Variants in NRXN2 observed in about 807,000 individuals in gnomAD.
NRXN2 encodes the protein neurexin 2.
In NRXN2, 29 loss-of-function variants were observed where a neutral mutation model predicts 128.8. The ratio of observed to expected loss-of-function variants is 0.23; its 90% CI spans 0.17 to 0.31. The LOEUF is 0.31. NRXN2 is among the 10% of genes least tolerant of loss of function. The pLI, the probability that NRXN2 is intolerant of heterozygous loss-of-function variation, is 1.00. For synonymous variants in NRXN2, 1,098 were observed against 1,075.2 expected, an observed-to-expected ratio of 1.02 and a Z score of -0.41; for missense variants, 1,881 against 2,452.6, an observed-to-expected ratio of 0.77 and a Z score of 4.92.
At chr11:64,665,588 C>T (rs1354344652) in intron 9 of NRXN2, among the ~76,000 whole-genome samples, 3 of 152,106 alleles carry the variant, frequency 2.0e-5, no homozygotes, top group East Asian at 3.9e-4. Flanking sequence ...ATGTAAAGCC[C>T]GGGGGAGGCA....
intron 22 of NRXN2, among the ~76,000 whole-genome samples, chr11:64,615,467 T>C (rs2041325412): frequency 1.3e-5 from 2 of 152,242 alleles, no homozygotes; most frequent in South Asian, 2.1e-4. Context: ...TGTGACTCTG[T>C]GGAGTTAAGC....
intron 2 of NRXN2, among the ~76,000 whole-genome samples, chr11:64,699,638 C>A (rs1270639971): frequency 6.6e-6 from 1 of 152,092 alleles, no homozygotes; most frequent in Non-Finnish European, 1.5e-5. Flanking sequence ...GTCTCGAACT[C>A]CCAACCTCAG....
intron 17 of NRXN2, among the ~76,000 whole-genome samples, chr11:64,645,590 T>G (rs1441501390): frequency 6.6e-6 from 1 of 152,082 alleles, no homozygotes; most frequent in Non-Finnish European, 1.5e-5. Context: ...CTCTTTTTCA[T>G]TTGCTGTCCA....
At chr11:64,662,789 A>T (rs2957562) in intron 9 of NRXN2, among the ~76,000 whole-genome samples, 48,648 of 151,818 alleles carry the variant, frequency 0.32, 9,828 homozygotes, top group African/African-American at 0.57. Context: ...CTCAAAAAAA[A>T]AAATAAATAA....
chr11:64,641,909 G>A (rs570725243), intron 17 of NRXN2, among the ~76,000 whole-genome samples: 7 of 152,178 alleles, frequency 4.6e-5, no homozygotes, highest in African/African-American at 1.7e-4. Flanking sequence ...AGAATGGCGG[G>A]ACAGTGGAGT....
intron 6 of NRXN2, among the ~76,000 whole-genome samples, chr11:64,677,543 C>T (rs937061189): frequency 3.9e-5 from 6 of 152,208 alleles, no homozygotes; most frequent in African/African-American, 7.2e-5. Flanking sequence ...CCTGCCCATC[C>T]CTTGGTCCCC....
rs202127347 is a variant in NRXN2, at chr11:64,667,455, G to A, written c.1593C>T (p.Leu531=). 3.0e-5 allele frequency: 48 copies of A among 1,614,150 alleles called. No individual in the cohort carries two copies. The East Asian group carries it at 1.0e-3, about 35-fold the overall frequency. ...FRTTEPNGLL[L]FSQGRRAGGG... Reference sequence around the variant, plus strand: ...CCCCAGCCCGCCGGCCCTGGCTGAAGAGCAGCAGCCCATTGGGCTCGGTGG... The same window carrying A: ...CCCCAGCCCGCCGGCCCTGGCTGAAAAGCAGCAGCCCATTGGGCTCGGTGG... Residue 531 remains leucine, a synonymous_variant, in exon 9 of 23, where the codon CTC becomes CTT. Transcript: ENST00000265459. This position sits in a 1 kb window ranked among gnomAD's most constrained non-coding sequence, Gnocchi z 5.6.
Position 64,635,592 on chromosome 11 carries a change from G to T in NRXN2, c.3404-140C>A. On this transcript the variant is annotated intron_variant, in intron 17 of 22. Transcript: ENST00000265459. This position sits in a 1 kb window ranked among gnomAD's most constrained non-coding sequence, Gnocchi z 4.8. ...GCTGTGATACCCACAGCAGCCACCA[G>T]CCCTGCCACCCCAGGGAGAAGTTGG... 2.1e-6 allele frequency: 2 copies of T among 951,928 alleles called. No homozygotes were observed. The highest frequency in any genetic ancestry group is 3.2e-6 in the Non-Finnish European group (2 of 615,856). The allele number at this position is 951,928 out of a possible 1,614,324, so 59.0% of individuals were successfully genotyped here.
chr11:64,639,277 T>A (rs1001179505), intron 17 of NRXN2, among the ~76,000 whole-genome samples: 5 of 152,148 alleles, frequency 3.3e-5, no homozygotes, highest in Admixed American at 6.5e-5. Context: ...TGTCTCTTGA[T>A]CTAGGATCCC....
At chr11:64,677,672 C>T (rs1433218229) in intron 6 of NRXN2, among the ~76,000 whole-genome samples, 3 of 152,144 alleles carry the variant, frequency 2.0e-5, no homozygotes, top group Non-Finnish European at 4.4e-5. Flanking sequence ...TTAGTAAGTC[C>T]TATCAGCTGA....
At chr11:64,646,197 A>G (rs1191523234) in intron 17 of NRXN2, among the ~76,000 whole-genome samples, 1 of 152,112 alleles carries the variant, frequency 6.6e-6, no homozygotes, top group Non-Finnish European at 1.5e-5. Context: ...TCTTAGCTCC[A>G]CAGCTTTGCA....
rs760480145 is a variant in NRXN2 at position 64,635,456 on chromosome 11, C to T, written c.3404-4G>A. 11 of 1,613,516 alleles carry T rather than the reference C, an allele frequency of 6.8e-6. No individual in the cohort carries two copies. The highest frequency in any genetic ancestry group is 6.8e-6 in the Non-Finnish European group (8 of 1,179,990). Reference sequence around the variant, plus strand: ...CCAAAGATGTATGTGGTCCCGGCTGCAGAGAGAAGGAAAGGGAGACAAGAA... The same window carrying T: ...CCAAAGATGTATGTGGTCCCGGCTGTAGAGAGAAGGAAAGGGAGACAAGAA... On this transcript the variant is annotated splice_polypyrimidine_tract_variant and splice_region_variant and intron_variant, in intron 17 of 22. Transcript: ENST00000265459. This position sits in a 1 kb window ranked among gnomAD's most constrained non-coding sequence, Gnocchi z 4.8.
chr11:64,675,435 A>T (rs900465923), intron 7 of NRXN2: 1 of 152,158 alleles, frequency 6.6e-6, no homozygotes, highest in East Asian at 1.9e-4. Context: ...GGGAGCCCCA[A>T]CTGTCACGCT....
intron 17 of NRXN2, among the ~76,000 whole-genome samples, chr11:64,639,873 C>T (rs2045399862): frequency 6.6e-6 from 1 of 152,132 alleles, no homozygotes; most frequent in Non-Finnish European, 1.5e-5. Flanking sequence ...CTGGAAAGGC[C>T]TCCTGAGCTG....
rs2043731606 is a variant in NRXN2, at chr11:64,630,414, G to T, written c.3745C>A (p.Arg1249=). Residue 1249 remains arginine (R), a synonymous_variant, in exon 19 of 23, where the codon CGG becomes AGG. Coordinates refer to ENST00000265459, the MANE Select transcript of NRXN2 (RefSeq NM_015080.4). This position sits in a 1 kb window ranked among gnomAD's most constrained non-coding sequence, Gnocchi z 4.6. ...CCGCGCCGCCTACCTGCCGGGTACC[G>T]CTCGTTGACCGGCCAGCTGTCCACC... ...LQVDSWPVNE[R]YPAGNFDNER... The T allele has an allele frequency of 6.2e-7, 1 of 1,604,566 alleles. No individual in the cohort carries two copies. Among genetic ancestry groups the T allele is most frequent in the Non-Finnish European group, 8.5e-7 (1 of 1,174,550 alleles).
Position 64,619,825 on chromosome 11 carries a change from C to T in NRXN2, c.4252+469G>A, listed in dbSNP as rs190844174. Among the ~76,000 whole-genome samples, 187 of 152,290 alleles carry T rather than the reference C, an allele frequency of 1.2e-3. 1 individual carries two copies. The highest frequency in any genetic ancestry group is 4.4e-3 in the African/African-American group (181 of 41,540). The stretch of plus-strand genomic sequence containing the variant: ...ACAGAGCACAGGACACCTCCCAACA[C>T]CCAGGAGAAGAGGAGGGCCCAGGAT... On this transcript the variant is annotated intron_variant, in intron 22 of 22. Coordinates refer to ENST00000265459, the MANE Select transcript of NRXN2 (RefSeq NM_015080.4).
chr11:64,680,002 G>C (rs939038624), intron 6 of NRXN2, among the ~76,000 whole-genome samples: 1 of 152,170 alleles, frequency 6.6e-6, no homozygotes, highest in Non-Finnish European at 1.5e-5. Context: ...CATAGAAAGA[G>C]CTAGAGAGCT....
At chr11:64,693,002 T>G (rs2054030876) in intron 3 of NRXN2, 126 bp from the exon 4 acceptor site, 634 of 700,252 alleles carry the variant, frequency 9.1e-4, no homozygotes, top group East Asian at 1.5e-3. Context: ...AAAAAAGCTT[T>G]TGCTGCCACA....
At chr11:64,652,938 A>C (rs972041408) in intron 12 of NRXN2, among the ~76,000 whole-genome samples, 1 of 141,088 alleles carries the variant, frequency 7.1e-6, no homozygotes, top group Non-Finnish European at 1.6e-5. Flanking sequence ...CCCCACCCCG[A>C]GGGCTCCAGC....
Sources: gnomAD v4.1 joint callset for allele counts (sites outside exome capture counted in the v4.1 genomes callset) on GRCh38, gnomAD v4.1.1 for gene constraint, Gnocchi (gnomAD v3.1) non-coding constraint, MANE v1.5 for transcripts, NCBI Gene and HGNC (gene_info 2026-07-23, HGNC 2026-07-21) for gene names.